CD247: variants seen among roughly 807,000 people sequenced by gnomAD.
The protein encoded by CD247 is T-cell surface glycoprotein CD3 zeta chain.
In CD247, 13 loss-of-function variants were observed where a neutral mutation model predicts 30.0. The observed-to-expected ratio is 0.43, with a 90% CI of 0.28 to 0.69. The LOEUF (loss-of-function observed/expected upper bound fraction) is 0.69, where lower values mean the gene tolerates loss of function less well. Among genes scored for constraint, CD247 ranks in the 30% least tolerant of loss-of-function variants. The pLI is 0.16. For missense variants in CD247, 193 were observed against 212.6 expected, an observed-to-expected ratio of 0.91 and a Z score of 0.57; for synonymous variants, 72 against 80.0, an observed-to-expected ratio of 0.90 and a Z score of 0.53.
chr1:167,454,947 G>A lies in CD247; in HGVS notation c.59-14180C>T, dbSNP rs565878912. On this transcript the variant is annotated intron_variant, in intron 1 of 7. Transcript: ENST00000362089. Reference sequence around the variant, plus strand: ...CCTCCTCAGAGTCCCTGTGGCCCCCGCAGCTTCCCCGGAAGAAACCCGTGC... The same window carrying A: ...CCTCCTCAGAGTCCCTGTGGCCCCCACAGCTTCCCCGGAAGAAACCCGTGC... 7.9e-5 allele frequency among the ~76,000 whole-genome samples: 12 copies of A among 152,330 alleles called. No homozygotes were observed. In the South Asian group the frequency reaches 2.3e-3, roughly 29 times the overall value.
At chr1:167,507,451 A>G (rs1016381384) in intron 1 of CD247, among the ~76,000 whole-genome samples, 1 of 152,170 alleles carries the variant, frequency 6.6e-6, no homozygotes, top group African/African-American at 2.4e-5. Context: ...TGGTTGGCCA[A>G]TTAGAAGGTT....
At chr1:167,460,824 A>G (rs1338085395) in intron 1 of CD247, among the ~76,000 whole-genome samples, 7 of 152,044 alleles carry the variant, frequency 4.6e-5, no homozygotes, top group Non-Finnish European at 8.8e-5. Context: ...TCGGGGAGTT[A>G]TCTCTGAGTT....
intron 1 of CD247, among the ~76,000 whole-genome samples, chr1:167,515,137 T>C (rs2982480): frequency 0.1 from 15,557 of 152,176 alleles, 1,666 homozygotes; most frequent in African/African-American, 0.27. Flanking sequence ...AGCTAGGCGA[T>C]TGGAGGGCGA....
At chr1:167,464,023 C>T (rs1476311033) in intron 1 of CD247, among the ~76,000 whole-genome samples, 1 of 152,110 alleles carries the variant, frequency 6.6e-6, no homozygotes, top group African/African-American at 2.4e-5. Context: ...GCTAATAAGA[C>T]ACATGCCTTT....
intron 1 of CD247, among the ~76,000 whole-genome samples, chr1:167,464,648 G>A (rs1653161211): frequency 6.6e-6 from 1 of 152,160 alleles, no homozygotes; most frequent in Non-Finnish European, 1.5e-5. Flanking sequence ...TATTCTAAAA[G>A]TAGAAAGCTG....
At chr1:167,431,943 T>G (rs1310875059) in intron 7 of CD247, among the ~76,000 whole-genome samples, 197 bp from the exon 8 acceptor site, 14 of 152,178 alleles carry the variant, frequency 9.2e-5, no homozygotes, top group Admixed American at 9.2e-4. Flanking sequence ...ATGGGTGCTG[T>G]GCCCTGCCGG....
chr1:167,489,193 C>T (rs914618448), intron 1 of CD247, among the ~76,000 whole-genome samples: 1 of 152,046 alleles, frequency 6.6e-6, no homozygotes, highest in Non-Finnish European at 1.5e-5. Context: ...AGGATCCAAC[C>T]CCCCTTCCCC....
At chr1:167,515,966 T>C (rs35859410) in intron 1 of CD247, among the ~76,000 whole-genome samples, 57 of 152,376 alleles carry the variant, frequency 3.7e-4, no homozygotes, top group Non-Finnish European at 6.2e-4. Flanking sequence ...TTACAAGTCT[T>C]TCTTTAGAGG....
At chr1:167,481,497 C>T (rs1357841892) in intron 1 of CD247, among the ~76,000 whole-genome samples, 1 of 152,126 alleles carries the variant, frequency 6.6e-6, no homozygotes, top group African/African-American at 2.4e-5. Flanking sequence ...CATACAAGCC[C>T]ATGAGAAACA....
In CD247 at chr1:167,431,247, C is replaced by T. The variant is rs1188827745; in HGVS notation, c.*434G>A. 3.9e-6 allele frequency: 2 copies of T among 513,156 alleles called. No homozygotes were observed. The highest frequency in any genetic ancestry group is 7.0e-5 in the Admixed American group (2 of 28,686). 31.8% of individuals were successfully genotyped at this position (513,156 alleles called of 1,614,324 possible). ...TTACCTTGAAAGGAGGTGAAGGTGA[C>T]AACAGAAGCCAAATTTACAGCAGGA... is the stretch of plus-strand genomic sequence containing the variant. On this transcript the variant is annotated 3_prime_UTR_variant, in exon 8 of 8. Transcript: ENST00000362089.
chr1:167,467,910 T>C (rs910321021), intron 1 of CD247, among the ~76,000 whole-genome samples: 1 of 152,144 alleles, frequency 6.6e-6, no homozygotes, highest in Non-Finnish European at 1.5e-5. Flanking sequence ...CATGCCAGAG[T>C]TCTCCAATCC....
intron 1 of CD247, among the ~76,000 whole-genome samples, chr1:167,446,775 T>G (rs1262627005): frequency 2.0e-5 from 3 of 152,058 alleles, no homozygotes; most frequent in Non-Finnish European, 4.4e-5. Context: ...GGGCGGATCA[T>G]GAGGTCAGGA....
chr1:167,504,065 C>T (rs548735777), intron 1 of CD247, among the ~76,000 whole-genome samples: 1 of 152,174 alleles, frequency 6.6e-6, no homozygotes, highest in South Asian at 2.1e-4. Context: ...TCTGGGCTCC[C>T]GGGGTGCTGT....
intron 1 of CD247, among the ~76,000 whole-genome samples, chr1:167,442,445 C>CTCTGTA (rs1264997281): frequency 1.3e-5 from 2 of 152,224 alleles, no homozygotes; most frequent in Non-Finnish European, 2.9e-5. Flanking sequence ...GCTCTGTCAG[C>CTCTGTA]TGCCTCTTCT....
At chr1:167,437,383 CA>C (rs1444579185) in intron 4 of CD247, among the ~76,000 whole-genome samples, 1 of 145,656 alleles carries the variant, frequency 6.9e-6, no homozygotes, top group African/African-American at 2.6e-5. Context: ...CCAGCCTGGG[CA>C]ACAAAAGCTA....
intron 1 of CD247, among the ~76,000 whole-genome samples, chr1:167,450,729 A>G (rs1203170548): frequency 6.6e-6 from 1 of 151,992 alleles, no homozygotes; most frequent in Non-Finnish European, 1.5e-5. Flanking sequence ...TCTAGCCAAT[A>G]TGGTAAAACC....
intron 2 of CD247, chr1:167,439,794 A>C: frequency 3.9e-6 from 1 of 259,128 alleles, no homozygotes; most frequent in Non-Finnish European, 7.6e-6. Context: ...GCTGGTCAAG[A>C]TCCCGCCTCC....
chr1:167,449,406 A>C (rs1652253994), intron 1 of CD247, among the ~76,000 whole-genome samples: 1 of 151,760 alleles, frequency 6.6e-6, no homozygotes, highest in East Asian at 1.9e-4. Flanking sequence ...CACCCGCCTC[A>C]GCCTCCCAAA....
At chr1:167,468,495 C>T (rs1653367409) in intron 1 of CD247, among the ~76,000 whole-genome samples, 1 of 152,218 alleles carries the variant, frequency 6.6e-6, no homozygotes, top group African/African-American at 2.4e-5. Context: ...CAAAACACCT[C>T]TTCCAGACAC....
Sources: allele counts gnomAD v4.1 joint callset (sites outside exome capture counted in the v4.1 genomes callset), GRCh38; gene constraint gnomAD v4.1.1; transcripts MANE v1.5; gene names NCBI Gene and HGNC (gene_info 2026-07-23, HGNC 2026-07-21).